PCDHGA1: variants seen among roughly 807,000 people sequenced by gnomAD.
PCDHGA1 encodes protocadherin gamma-A1.
Under a neutral mutation model 58.0 loss-of-function variants are expected in PCDHGA1, and 32 were observed. The observed-to-expected ratio is 0.55, with a 90% CI of 0.42 to 0.74. The LOEUF is 0.74. Ranked by LOEUF, PCDHGA1 falls within the 30% of genes least tolerant of loss-of-function variation. The pLI, the probability that PCDHGA1 is intolerant of heterozygous loss-of-function variation, is 0.00. For missense variants in PCDHGA1, 1,205 were observed against 1,182.3 expected (o/e 1.02, Z -0.28); for synonymous variants, 498 against 501.1 (o/e 0.99, Z 0.08).
In PCDHGA1 at chr5:141,486,913, G is replaced by A. The variant is rs2099636995; in HGVS notation, c.2422-7894G>A. ...CTGGTTCCTTATGTCCCCAAGCACT[G>A]CCTCCATCAGTTGGTGCTGGCCACC... On this transcript the variant is annotated intron_variant, in intron 1 of 3. Transcript: ENST00000517417. The surrounding 1 kb of genome is among the most constrained non-coding windows in gnomAD (Gnocchi z 5.0). The A allele has an allele frequency of 1.9e-6, 3 of 1,614,092 alleles. No individual in the cohort carries two copies. The highest frequency in any genetic ancestry group is 1.3e-5 in the African/African-American group (1 of 74,938).
chr5:141,352,332 C>A, intron 1 of PCDHGA1: 3 of 1,614,078 alleles, frequency 1.9e-6, no homozygotes, highest in South Asian at 1.1e-5. Context: ...CTGGTTGTGG[C>A]CTTGGCCTTG....
At chr5:141,419,741 A>G (rs769795920) in intron 1 of PCDHGA1, 1 of 1,613,856 alleles carries the variant, frequency 6.2e-7, no homozygotes. Context: ...CGAGGTGCGC[A>G]TGGTGCGTGC....
chr5:141,356,912 G>T (rs376285031), intron 1 of PCDHGA1: 2 of 1,614,130 alleles, frequency 1.2e-6, no homozygotes, highest in South Asian at 1.1e-5. Context: ...CCTACTGATG[G>T]CTCCACTGGT....
Position 141,511,913 on chromosome 5 carries a change from A to G in PCDHGA1, c.*740A>G, listed in dbSNP as rs1190072814. On this transcript the variant is annotated 3_prime_UTR_variant, in exon 4 of 4. Coordinates refer to ENST00000517417, the MANE Select transcript of PCDHGA1 (RefSeq NM_018912.3). ...CCCCCACCTCCTCCTCAAACAAGAG[A>G]CTCCACTGCATGTTCCAAGACAGTA... is the stretch of plus-strand genomic sequence containing the variant. The G allele has an allele frequency of 6.4e-6, 1 of 156,050 alleles. No individual in the cohort carries two copies. The highest frequency in any genetic ancestry group is 2.4e-5 in the African/African-American group (1 of 41,402). The allele number at this position is 156,050 out of a possible 1,614,324, so 9.7% of individuals were successfully genotyped here.
intron 1 of PCDHGA1, among the ~76,000 whole-genome samples, chr5:141,459,220 A>G (rs1234283814): frequency 6.6e-6 from 1 of 152,234 alleles, no homozygotes; most frequent in Non-Finnish European, 1.5e-5. Flanking sequence ...CTCCAGCTCC[A>G]GGCAACAACT....
intron 1 of PCDHGA1, chr5:141,389,201 C>T: frequency 1.2e-6 from 2 of 1,614,034 alleles, no homozygotes; most frequent in Non-Finnish European, 1.7e-6. Flanking sequence ...TCACCCTGCA[C>T]ATTGGTGATG....
At chr5:141,416,215 A>G (rs969061407) in intron 1 of PCDHGA1, 1 of 152,400 alleles carries the variant, frequency 6.6e-6, no homozygotes, top group Non-Finnish European at 1.5e-5. Flanking sequence ...ATAACAATGT[A>G]TGCTTAGATT....
intron 1 of PCDHGA1, among the ~76,000 whole-genome samples, chr5:141,382,339 C>A (rs1018758986): frequency 2.6e-5 from 4 of 152,082 alleles, no homozygotes; most frequent in African/African-American, 9.7e-5. Context: ...TAAGTAAAAT[C>A]TTTCATATGT....
At position 141,485,331 on chromosome 5, in the gene PCDHGA1, T is replaced by G; in HGVS notation, c.2422-9476T>G. 6.2e-7 allele frequency: 1 copy of G among 1,614,166 alleles called. No individual in the cohort carries two copies. Among genetic ancestry groups the G allele is most frequent in the Admixed American group, 1.7e-5 (1 of 60,022 alleles). Reference sequence around the variant, plus strand: ...GTAGGGAATGTCGCTCAAGATTTCCTGCTGGATACGGACAGTCTGTCAGCT... The same window carrying G: ...GTAGGGAATGTCGCTCAAGATTTCCGGCTGGATACGGACAGTCTGTCAGCT... On this transcript the variant is annotated intron_variant, in intron 1 of 3. Coordinates refer to ENST00000517417, the MANE Select transcript of PCDHGA1 (RefSeq NM_018912.3). The surrounding 1 kb of genome is among the most constrained non-coding windows in gnomAD (Gnocchi z 5.7).
rs762433242 is a variant in PCDHGA1, at chr5:141,476,856, C to A, written c.2422-17951C>A. 2.5e-6 allele frequency: 4 copies of A among 1,613,762 alleles called. No individual in the cohort carries two copies. In the East Asian group the frequency reaches 6.7e-5, roughly 27 times the overall value. ...GACAATGCGCCTGTCTTCAACCAGTCCTTGTACCGGGCGCGCGTCCTGGAG... is the reference window on the plus strand; with the variant it reads ...GACAATGCGCCTGTCTTCAACCAGTACTTGTACCGGGCGCGCGTCCTGGAG... On this transcript the variant is annotated intron_variant, in intron 1 of 3. Coordinates refer to ENST00000517417, the MANE Select transcript of PCDHGA1 (RefSeq NM_018912.3). This position sits in a 1 kb window ranked among gnomAD's most constrained non-coding sequence, Gnocchi z 7.6.
intron 1 of PCDHGA1, chr5:141,356,057 A>T: frequency 6.2e-7 from 1 of 1,613,942 alleles, no homozygotes; most frequent in Middle Eastern, 1.6e-4. Flanking sequence ...AAAGTAAGAG[A>T]CAAAATATCA....
intron 1 of PCDHGA1, chr5:141,478,160 GC>G (rs764598056): frequency 1.9e-6 from 3 of 1,613,964 alleles, no homozygotes; most frequent in Non-Finnish European, 2.5e-6. Flanking sequence ...CTCTGGCTCT[GC>G]CCCCCGGGAG....
At chr5:141,472,980 C>CAA (rs60579131) in intron 1 of PCDHGA1, among the ~76,000 whole-genome samples, 188 of 86,094 alleles carry the variant, frequency 2.2e-3, no homozygotes, top group Non-Finnish European at 3.2e-3. Flanking sequence ...GAGTGAAACT[C>CAA]AAAAAAAAAA....
At chr5:141,434,521 T>G (rs2097700467) in intron 1 of PCDHGA1, among the ~76,000 whole-genome samples, 1 of 152,202 alleles carries the variant, frequency 6.6e-6, no homozygotes, top group Non-Finnish European at 1.5e-5. Flanking sequence ...AAAGGTGTTC[T>G]TAAACCACAA....
chr5:141,475,885 A>T, intron 1 of PCDHGA1: 1 of 556,524 alleles, frequency 1.8e-6, no homozygotes, highest in Non-Finnish European at 3.2e-6. Flanking sequence ...ATTGGCTGGG[A>T]CTCTGTGTGC....
intron 1 of PCDHGA1, chr5:141,416,166 T>C (rs2096001393): frequency 6.5e-6 from 1 of 152,744 alleles, no homozygotes; most frequent in Admixed American, 6.5e-5. Flanking sequence ...CAGTTGAATA[T>C]ACTAAGTTTT....
chr5:141,491,152 G>A lies in PCDHGA1; in HGVS notation c.2422-3655G>A. 1 of 1,614,168 alleles carries A rather than the reference G, an allele frequency of 6.2e-7. No homozygotes were observed. The highest frequency in any genetic ancestry group is 8.5e-7 in the Non-Finnish European group (1 of 1,179,990). On this transcript the variant is annotated intron_variant, in intron 1 of 3. Transcript: ENST00000517417. The surrounding 1 kb of genome is among the most constrained non-coding windows in gnomAD (Gnocchi z 6.9). ...CACAGCCCGGGCCTTACTGGAGGAT[G>A]ACTCTGACACCCAGCAGGTGGTGGT...
chr5:141,396,830 G>A (rs1014090361), intron 1 of PCDHGA1, among the ~76,000 whole-genome samples: 1 of 152,198 alleles, frequency 6.6e-6, no homozygotes, highest in African/African-American at 2.4e-5. Context: ...TGCATATTCA[G>A]TGGAGTGGGA....
chr5:141,410,435 G>A (rs772158163), intron 1 of PCDHGA1: 1 of 1,614,054 alleles, frequency 6.2e-7, no homozygotes, highest in Non-Finnish European at 8.5e-7. Context: ...CAACTACAGT[G>A]AGGGGACTTT....
Sources: allele counts gnomAD v4.1 joint callset (sites outside exome capture counted in the v4.1 genomes callset), GRCh38; gene constraint gnomAD v4.1.1; non-coding constraint Gnocchi (gnomAD v3.1); transcripts MANE v1.5; gene names NCBI Gene and HGNC (gene_info 2026-07-23, HGNC 2026-07-21).